Variants in CFAP74 observed in about 807,000 individuals in gnomAD.
CFAP74 encodes the protein cilia- and flagella-associated protein 74.
In CFAP74, 124 loss-of-function variants were observed where a neutral mutation model predicts 188.9. The ratio of observed to expected loss-of-function variants is 0.66; its 90% CI spans 0.57 to 0.76. CFAP74 has a LOEUF of 0.76. Among genes scored for constraint, CFAP74 ranks in the 30% least tolerant of loss-of-function variants. The probability of loss-of-function intolerance (pLI) is 0.00; values close to 1 mark genes in which losing one functional copy is unlikely to be tolerated. For synonymous variants in CFAP74, 956 were observed against 916.7 expected (o/e 1.04, Z -0.77); for missense variants, 2,198 against 2,165.2 (o/e 1.02, Z -0.30).
In CFAP74 at chr1:2,000,979, T is replaced by C. The variant is rs573105386; in HGVS notation, c.-20+2722A>G. The stretch of plus-strand genomic sequence containing the variant: ...CCCTTCACTGTCACAGTAGGTTCCC[T>C]GGGTAGGGCAGGTGGAGCAGGATCC... On this transcript the variant is annotated intron_variant, in intron 1 of 38. Transcript: ENST00000682832. Among the ~76,000 whole-genome samples the C allele has an allele frequency of 3.9e-5, 6 of 152,224 alleles. No individual in the cohort carries two copies. The South Asian group carries it at 8.3e-4, about 21-fold the overall frequency.
chr1:1,938,135 GC>G (rs1653047908), intron 25 of CFAP74, among the ~76,000 whole-genome samples: 1 of 133,954 alleles, frequency 7.5e-6, no homozygotes, highest in Admixed American at 7.7e-5. Context: ...TCAGTCACAT[GC>G]TCACACATAC....
At position 1,991,649 on chromosome 1, in the gene CFAP74, T is replaced by C. The variant is rs572145263; in HGVS notation, c.-19-674A>G. On this transcript the variant is annotated intron_variant, in intron 1 of 38. Coordinates refer to ENST00000682832, the MANE Select transcript of CFAP74 (RefSeq NM_001304360.2). Reference sequence around the variant, plus strand: ...TTGGAATTCCATAAGAAAAGAGATATACAAATGGCCAATATGCATGTGAAA... The same window carrying C: ...TTGGAATTCCATAAGAAAAGAGATACACAAATGGCCAATATGCATGTGAAA... 7.2e-4 allele frequency among the ~76,000 whole-genome samples: 110 copies of C among 151,926 alleles called. 1 individual carries two copies. Among genetic ancestry groups the C allele is most frequent in the Non-Finnish European group, 1.3e-3 (86 of 67,944 alleles).
chr1:1,958,236 G>C (rs1570913372), intron 16 of CFAP74, among the ~76,000 whole-genome samples: 1 of 152,250 alleles, frequency 6.6e-6, no homozygotes, highest in Non-Finnish European at 1.5e-5. Flanking sequence ...CCTGGGGTGG[G>C]GGACATAGCG....
In CFAP74 at chr1:1,975,224, T is replaced by A. The variant is rs896486680; in HGVS notation, c.501-1026A>T. 6.6e-6 allele frequency among the ~76,000 whole-genome samples: 1 copy of A among 152,176 alleles called. No individual in the cohort carries two copies. ...CCCACTGCAACACCCGGGGCAGGGG[T>A]CCCACCGCCTTGGCCCTCCGTGAAT... On this transcript the variant is annotated intron_variant, in intron 6 of 38. Coordinates refer to ENST00000682832, the MANE Select transcript of CFAP74 (RefSeq NM_001304360.2). This position sits in a 1 kb window ranked among gnomAD's most constrained non-coding sequence, Gnocchi z 4.5.
At position 1,956,066 on chromosome 1, in the gene CFAP74, G is replaced by C. The variant is rs565966683; in HGVS notation, c.2017-216C>G. On this transcript the variant is annotated intron_variant, in intron 17 of 38. Coordinates refer to ENST00000682832, the MANE Select transcript of CFAP74 (RefSeq NM_001304360.2). ...CCCAGAGACTCAGAGTCACCCCTCA[G>C]CCTCCCTCACTCCAGGCCGGGTGGG... is the stretch of plus-strand genomic sequence containing the variant. 1.5e-3 allele frequency among the ~76,000 whole-genome samples: 231 copies of C among 152,304 alleles called. 1 individual carries two copies. The highest frequency in any genetic ancestry group is 2.4e-3 in the Non-Finnish European group (163 of 68,006).
chr1:1,978,173 A>T (rs143579875), intron 6 of CFAP74, among the ~76,000 whole-genome samples: 408 of 152,358 alleles, frequency 2.7e-3, no homozygotes, highest in African/African-American at 9.4e-3. Flanking sequence ...AGTGAGTGTG[A>T]CCACATATAG....
rs751474704 is a variant in CFAP74 at position 1,963,849 on chromosome 1, C to T, written c.1594G>A (p.Val532Met). The change falls in exon 14 of 39, where the codon GTG (valine) becomes ATG (methionine). Residue 532 changes from valine to methionine, a missense_variant. Val to Met is a conservative substitution (Grantham distance 21). Coordinates refer to ENST00000682832, the MANE Select transcript of CFAP74 (RefSeq NM_001304360.2). The stretch of plus-strand genomic sequence containing the variant: ...ACCAACGTGATCTTTTTCTTGTACA[C>T]TTTGCCAATATCAAAGTCCTGGGAA... Reference protein sequence around the residue: ...LHFQDFDIGKVYKKKITLVNT... With the variant: ...LHFQDFDIGKMYKKKITLVNT... The T allele has an allele frequency of 3.7e-6, 6 of 1,613,408 alleles. No homozygotes were observed. In the East Asian group the frequency reaches 6.7e-5, roughly 18 times the overall value.
chr1:1,945,975 TG>T (rs34832935), intron 20 of CFAP74, among the ~76,000 whole-genome samples: 60,915 of 134,640 alleles, frequency 0.45, 13,832 homozygotes, highest in Admixed American at 0.56. Context: ...TTTGTGCGTG[TG>T]GGGGGGGCTC....
chr1:1,937,094 A>C (rs1260785736), intron 25 of CFAP74, among the ~76,000 whole-genome samples: 1 of 152,208 alleles, frequency 6.6e-6, no homozygotes, highest in Non-Finnish European at 1.5e-5. Flanking sequence ...CAGCAGCCTA[A>C]GGACTCCACG....
At chr1:1,949,306 G>A (rs970505983) in intron 18 of CFAP74, among the ~76,000 whole-genome samples, 1 of 151,696 alleles carries the variant, frequency 6.6e-6, no homozygotes, top group Admixed American at 6.6e-5. Flanking sequence ...TTACAGGTGC[G>A]TGCCACGATG....
chr1:1,977,065 G>C (rs1656498244), intron 6 of CFAP74, among the ~76,000 whole-genome samples: 2 of 151,696 alleles, frequency 1.3e-5, no homozygotes, highest in Admixed American at 1.3e-4. Context: ...AGCCAGGATG[G>C]TCTCAATCTC....
At position 1,926,972 on chromosome 1, in the gene CFAP74, A is replaced by G; in HGVS notation, c.3584T>C (p.Phe1195Ser). 6.5e-7 allele frequency: 1 copy of G among 1,550,254 alleles called. No homozygotes were observed. Among genetic ancestry groups the G allele is most frequent in the Non-Finnish European group, 8.7e-7 (1 of 1,146,886 alleles). The part of the protein sequence containing the change: ...ATLLRAFQAK[F>S]DTFVVPCVVA... ...AACACAGGGAACTACAAATGTGTCA[A>G]ACTTCGCCTGGAACGCTCTGAGCAG... Residue 1195 changes from phenylalanine (F) to serine (S), a missense_variant, in exon 29 of 39, where the codon TTT becomes TCT. Coordinates refer to ENST00000682832, the MANE Select transcript of CFAP74 (RefSeq NM_001304360.2).
rs1025419778 is a variant in CFAP74, at chr1:1,947,086, T to C, written c.2177-32A>G. 4.0e-6 allele frequency: 6 copies of C among 1,505,646 alleles called. No homozygotes were observed. In the African/African-American group the frequency reaches 6.9e-5, roughly 17 times the overall value. 93.3% of individuals were successfully genotyped at this position (1,505,646 alleles called of 1,614,324 possible). ...GAGAAGGGGGATCCAGAGGTGAGGG[T>C]TGGCAGGGTGGAGGCAGTGTGGCCC... On this transcript the variant is annotated intron_variant, in intron 18 of 38. Transcript: ENST00000682832.
chr1:1,944,577 G>A (rs1011466489), intron 20 of CFAP74, 125 bp from the exon 21 acceptor site: 18 of 950,910 alleles, frequency 1.9e-5, no homozygotes, highest in South Asian at 1.5e-4. Flanking sequence ...TCTTTGGGAC[G>A]GCTGTGGCAC....
chr1:1,995,770 T>G (rs1472893157), intron 1 of CFAP74, among the ~76,000 whole-genome samples: 1 of 151,128 alleles, frequency 6.6e-6, no homozygotes, highest in Non-Finnish European at 1.5e-5. Context: ...TAGCCGGGTG[T>G]GGTGGCGGGC....
At chr1:1,979,233 A>G (rs1255528158) in intron 6 of CFAP74, among the ~76,000 whole-genome samples, 1 of 97,292 alleles carries the variant, frequency 1.0e-5, no homozygotes, top group Non-Finnish European at 2.1e-5. Context: ...ACGAGGCTGC[A>G]CAGAACACGT....
At chr1:1,929,939 C>T (rs761892785) in intron 26 of CFAP74, 121 bp downstream of exon 26, 64 of 1,164,668 alleles carry the variant, frequency 5.5e-5, no homozygotes, top group Admixed American at 2.8e-4. Context: ...GGTTCACTCC[C>T]GCCCCTGTTC....
Position 1,966,484 on chromosome 1 carries a change from C to T in CFAP74, c.1288G>A (p.Glu430Lys). Reference sequence around the variant, plus strand: ...TGGATAAGCTCACTGGAAACGACTTCCAGCAACCGAGAGGGCCCGGGGCCT... The same window carrying T: ...TGGATAAGCTCACTGGAAACGACTTTCAGCAACCGAGAGGGCCCGGGGCCT... ...AAGPGPSRLL[E>K]VVSSELIQGD... The change falls in exon 12 of 39, where the codon GAA becomes AAA. Residue 430 changes from glutamate to lysine, a missense_variant. Transcript: ENST00000682832. The T allele has an allele frequency of 6.2e-7, 1 of 1,600,134 alleles. No individual in the cohort carries two copies. Among genetic ancestry groups the T allele is most frequent in the Non-Finnish European group, 8.5e-7 (1 of 1,171,550 alleles).
rs946225620 is a variant in CFAP74, at chr1:1,968,549, G to A, written c.1245+86C>T. The A allele has an allele frequency of 5.9e-6, 7 of 1,191,694 alleles. No homozygotes were observed. In the African/African-American group the frequency reaches 6.0e-5, roughly 10 times the overall value. The allele number at this position is 1,191,694 out of a possible 1,614,324, so 73.8% of individuals were successfully genotyped here. On this transcript the variant is annotated intron_variant, in intron 11 of 38. Coordinates refer to ENST00000682832, the MANE Select transcript of CFAP74 (RefSeq NM_001304360.2). The surrounding 1 kb of genome is among the most constrained non-coding windows in gnomAD (Gnocchi z 4.3). ...TGGCCATGGTGCTGAGGTCCTCAGA[G>A]GATGTCTCACCACACCTGAGCCCTG...
Sources: allele counts gnomAD v4.1 joint callset (sites outside exome capture counted in the v4.1 genomes callset), GRCh38; gene constraint gnomAD v4.1.1; non-coding constraint Gnocchi (gnomAD v3.1); transcripts MANE v1.5; gene names NCBI Gene and HGNC (gene_info 2026-07-23, HGNC 2026-07-21).